Variants in BRD7 observed in about 807,000 individuals in gnomAD.
The protein encoded by BRD7 is bromodomain containing 7.
BRD7 carries 15 observed loss-of-function variants against 82.1 expected under a neutral mutation model. The ratio of observed to expected loss-of-function variants is 0.18; its 90% confidence interval spans 0.12 to 0.28. The LOEUF is 0.28. Among genes scored for constraint, BRD7 ranks in the 10% least tolerant of loss-of-function variants. The pLI is 1.00. For missense variants in BRD7, 638 were observed against 779.9 expected, an observed-to-expected ratio of 0.82 and a Z score of 2.17; for synonymous variants, 232 against 266.9, an observed-to-expected ratio of 0.87 and a Z score of 1.27.
intron 5 of BRD7, among the ~76,000 whole-genome samples, chr16:50,345,271 C>T (rs984058391): frequency 1.3e-5 from 2 of 152,130 alleles, no homozygotes; most frequent in African/African-American, 4.8e-5. Context: ...GAAGGAAGCA[C>T]TAAACGTGGA....
intron 9 of BRD7, among the ~76,000 whole-genome samples, chr16:50,327,271 G>C (rs1045197898): frequency 1.3e-5 from 2 of 152,138 alleles, no homozygotes; most frequent in African/African-American, 4.8e-5. Flanking sequence ...GGCCACATTT[G>C]ATTAGGTCTC....
At position 50,318,429 on chromosome 16, in the gene BRD7, T is replaced by A. The variant is rs2036922152; in HGVS notation, c.*782A>T. On this transcript the variant is annotated 3_prime_UTR_variant, in exon 17 of 17. Transcript: ENST00000394688. The stretch of plus-strand genomic sequence containing the variant: ...TCTATCTATCTATCTCCATCCTGAT[T>A]TTTTTCCCTTGTGTATAACAGGTTC... 1 of 152,146 alleles carries A rather than the reference T, an allele frequency of 6.6e-6. No individual in the cohort carries two copies. Among genetic ancestry groups the A allele is most frequent in the Non-Finnish European group, 1.5e-5 (1 of 68,036 alleles). The allele number at this position is 152,146 out of a possible 1,614,324, so 9.4% of individuals were successfully genotyped here.
intron 1 of BRD7, 49 bp downstream of exon 1, chr16:50,368,677 C>G (rs1397709315): frequency 6.5e-7 from 1 of 1,531,620 alleles, no homozygotes; most frequent in Non-Finnish European, 8.8e-7. Context: ...AGCGGAAGCC[C>G]GGCAGAGCCG....
At chr16:50,353,077 T>A (rs1310533534) in intron 4 of BRD7, among the ~76,000 whole-genome samples, 1 of 151,932 alleles carries the variant, frequency 6.6e-6, no homozygotes, top group Non-Finnish European at 1.5e-5. Context: ...AGTTCTTTTT[T>A]TTTTTTTTTT....
chr16:50,316,060 C>G lies in BRD7; in HGVS notation c.*3151G>C, dbSNP rs1369885193. 1 of 152,832 alleles carries G rather than the reference C, an allele frequency of 6.5e-6. No homozygotes were observed. Among genetic ancestry groups the G allele is most frequent in the Non-Finnish European group, 1.5e-5 (1 of 68,478 alleles). The allele number at this position is 152,832 out of a possible 1,614,324, so 9.5% of individuals were successfully genotyped here. A position where few individuals can be genotyped will look rare whatever the true frequency, so the allele number is the denominator to read the frequency against. ...TTCAAACAGGTAGAGAGAAAAACAC[C>G]ACAATTAACACTGTTACTTTTTGCC... On this transcript the variant is annotated 3_prime_UTR_variant, in exon 17 of 17. Transcript: ENST00000394688.
At position 50,318,981 on chromosome 16, in the gene BRD7, T is replaced by TGAAA. The variant is rs1209708844; in HGVS notation, c.*226_*229dup. On this transcript the variant is annotated 3_prime_UTR_variant, in exon 17 of 17. Transcript: ENST00000394688. ...GAAGAAGCATTGGAAGGCACTATTT[T>TGAAA]GAAAGAATGCTGCACAGGTATGGCA... 11 of 456,986 alleles carry TGAAA rather than the reference T, an allele frequency of 2.4e-5. No homozygotes were observed. The South Asian group carries it at 4.4e-4, about 18-fold the overall frequency. The allele number at this position is 456,986 out of a possible 1,614,324, so 28.3% of individuals were successfully genotyped here.
intron 2 of BRD7, among the ~76,000 whole-genome samples, chr16:50,362,033 T>C (rs1433394539): frequency 1.3e-5 from 2 of 152,220 alleles, no homozygotes; most frequent in African/African-American, 4.8e-5. Flanking sequence ...AATCTTAGAA[T>C]ACTTCTACTG....
chr16:50,354,509 T>C (rs1235243838), intron 3 of BRD7, 27 bp from the exon 4 acceptor site: 3 of 1,589,692 alleles, frequency 1.9e-6, no homozygotes, highest in African/African-American at 2.7e-5. Flanking sequence ...GGGAAAAGGG[T>C]ATTTTAAAAA....
chr16:50,331,045 G>A (rs2037544074), intron 8 of BRD7, among the ~76,000 whole-genome samples: 1 of 151,966 alleles, frequency 6.6e-6, no homozygotes, highest in Non-Finnish European at 1.5e-5. Flanking sequence ...TGTTCAAGCT[G>A]AGCACCAATT....
In BRD7 at chr16:50,323,707, GAC is replaced by G. The variant is rs755558216; in HGVS notation, c.1332-11_1332-10del. Reference sequence around the variant, plus strand: ...CCAAAAACTCATGGATGCTGCAAGAGACAGTTAGGAAAGTCTCACATAAATCA... The same window carrying G: ...CCAAAAACTCATGGATGCTGCAAGAGAGTTAGGAAAGTCTCACATAAATCA... On this transcript the variant is annotated splice_polypyrimidine_tract_variant and intron_variant, in intron 11 of 16. Transcript: ENST00000394688. The G allele has an allele frequency of 3.1e-6, 5 of 1,604,520 alleles. No individual in the cohort carries two copies. The African/African-American group carries it at 5.4e-5, about 17-fold the overall frequency.
intron 2 of BRD7, among the ~76,000 whole-genome samples, chr16:50,357,854 G>C (rs958831369): frequency 1.3e-5 from 2 of 152,142 alleles, no homozygotes; most frequent in Non-Finnish European, 2.9e-5. Context: ...GGTGGTGCAC[G>C]CCTGTAATCC....
rs1567592207 is a variant in BRD7, at chr16:50,318,302, A to T, written c.*909T>A. The T allele has an allele frequency of 6.6e-6, 1 of 152,202 alleles. No individual in the cohort carries two copies. Among genetic ancestry groups the T allele is most frequent in the Non-Finnish European group, 1.5e-5 (1 of 68,032 alleles). 9.4% of individuals were successfully genotyped at this position (152,202 alleles called of 1,614,324 possible). Reference sequence around the variant, plus strand: ...CTTCCTAAATACTAATTAATTTTCAAAGTCAGGAAAATAATAGAAATCAAA... The same window carrying T: ...CTTCCTAAATACTAATTAATTTTCATAGTCAGGAAAATAATAGAAATCAAA... On this transcript the variant is annotated 3_prime_UTR_variant, in exon 17 of 17. Coordinates refer to ENST00000394688, the MANE Select transcript of BRD7 (RefSeq NM_013263.5).
rs552781016 is a variant in BRD7, at chr16:50,335,981, T to C, written c.703-1086A>G. 6.6e-5 allele frequency among the ~76,000 whole-genome samples: 10 copies of C among 152,332 alleles called. 1 individual carries two copies. The South Asian group carries it at 1.9e-3, about 28-fold the overall frequency. On this transcript the variant is annotated intron_variant, in intron 6 of 16. Transcript: ENST00000394688. ...GAGGAGAAAATAAAAATCCTCCTAATGTCTCATCCAGAGAAGAACAGTGTT... is the reference window on the plus strand; with the variant it reads ...GAGGAGAAAATAAAAATCCTCCTAACGTCTCATCCAGAGAAGAACAGTGTT...
At chr16:50,368,632 A>G in intron 1 of BRD7, 94 bp downstream of exon 1, 2 of 1,280,468 alleles carry the variant, frequency 1.6e-6, no homozygotes, top group African/African-American at 1.6e-5. Flanking sequence ...CGTGGGAAGG[A>G]AGGGCCCCGG....
At chr16:50,356,222 C>A (rs114505098) in intron 2 of BRD7, among the ~76,000 whole-genome samples, 1,618 of 152,278 alleles carry the variant, frequency 0.011, 29 homozygotes, top group African/African-American at 0.037. Context: ...CAATCCTTAG[C>A]AGAGCAATTA....
intron 2 of BRD7, among the ~76,000 whole-genome samples, chr16:50,363,660 T>TGTGC (rs138025982): frequency 0.031 from 3,156 of 102,466 alleles, 57 homozygotes; most frequent in Non-Finnish European, 0.051. Context: ...TGTGTGTGTG[T>TGTGC]GCGCGCGCGC....
intron 5 of BRD7, among the ~76,000 whole-genome samples, chr16:50,343,985 C>T (rs552142597): frequency 7.5e-4 from 114 of 152,310 alleles, no homozygotes; most frequent in African/African-American, 2.2e-3. Context: ...CCCTGACCCC[C>T]GAGTAGCCTA....
intron 4 of BRD7, among the ~76,000 whole-genome samples, chr16:50,353,978 T>A (rs985629693): frequency 2.0e-5 from 3 of 152,184 alleles, no homozygotes; most frequent in Admixed American, 6.5e-5. Context: ...GGCACTGAAA[T>A]TTTTAGAACC....
chr16:50,337,307 C>T lies in BRD7; in HGVS notation c.703-2412G>A, dbSNP rs563188002. ...CGGAGTTTCCCTCTTGTTGCCCAGG[C>T]TGGAGTGCAGTGGCGTGATCTTGGC... On this transcript the variant is annotated intron_variant, in intron 6 of 16. Coordinates refer to ENST00000394688, the MANE Select transcript of BRD7 (RefSeq NM_013263.5). Among the ~76,000 whole-genome samples the T allele has an allele frequency of 4.6e-5, 6 of 130,100 alleles. No homozygotes were observed. In the East Asian group the frequency reaches 1.4e-3, roughly 29 times the overall value. 85.4% of individuals were successfully genotyped at this position (130,100 alleles called of 152,430 possible). A position where few individuals can be genotyped will look rare whatever the true frequency, so the allele number is the denominator to read the frequency against.
Sources: allele counts gnomAD v4.1 joint callset (sites outside exome capture counted in the v4.1 genomes callset), GRCh38; gene constraint gnomAD v4.1.1; transcripts MANE v1.5; gene names NCBI Gene and HGNC (gene_info 2026-07-23, HGNC 2026-07-21).